The following KCNAB1 variants were observed in gnomAD, a reference collection of about 807,000 sequenced individuals.
KCNAB1 encodes potassium voltage-gated channel subfamily A regulatory beta subunit 1.
KCNAB1 carries 35 observed loss-of-function variants against 64.6 expected under a neutral mutation model. The ratio of observed to expected loss-of-function variants is 0.54; its 90% CI spans 0.41 to 0.72. The LOEUF (loss-of-function observed/expected upper bound fraction) is 0.72. Ranked by LOEUF, KCNAB1 falls within the 30% of genes least tolerant of loss-of-function variation. The pLI, the probability that KCNAB1 is intolerant of heterozygous loss-of-function variation, is 0.00. For missense variants in KCNAB1, 401 were observed against 512.9 expected, an observed-to-expected ratio of 0.78 and a Z score of 2.11; for synonymous variants, 177 against 183.8, an observed-to-expected ratio of 0.96 and a Z score of 0.30.
At chr3:156,155,399 A>T (rs1210323301) in intron 1 of KCNAB1, among the ~76,000 whole-genome samples, 1 of 152,258 alleles carries the variant, frequency 6.6e-6, no homozygotes, top group African/African-American at 2.4e-5. Flanking sequence ...AATAAAATTT[A>T]TAATACTTTA....
At chr3:156,472,484 T>A (rs1004848941) in intron 7 of KCNAB1, among the ~76,000 whole-genome samples, 2 of 152,194 alleles carry the variant, frequency 1.3e-5, no homozygotes, top group African/African-American at 2.4e-5. Context: ...ATACCATGGA[T>A]TACAAGACTT....
At chr3:156,185,021 CAGAG>C (rs1261959870) in intron 1 of KCNAB1, among the ~76,000 whole-genome samples, 1 of 152,218 alleles carries the variant, frequency 6.6e-6, no homozygotes, top group Non-Finnish European at 1.5e-5. Context: ...AACAAAAACT[CAGAG>C]AGGGTAGGTG....
chr3:156,394,247 C>T (rs1189973211), intron 1 of KCNAB1, among the ~76,000 whole-genome samples: 3 of 152,176 alleles, frequency 2.0e-5, no homozygotes, highest in African/African-American at 7.2e-5. Flanking sequence ...TTAGCTTCAC[C>T]ATCTCCCCTA....
At chr3:156,323,088 C>A (rs577343458) in intron 1 of KCNAB1, among the ~76,000 whole-genome samples, 1 of 152,280 alleles carries the variant, frequency 6.6e-6, no homozygotes, top group South Asian at 2.1e-4. Flanking sequence ...GATCAGCAGG[C>A]CCTTTGCCTT....
chr3:156,145,328 C>G (rs918036517), intron 1 of KCNAB1, among the ~76,000 whole-genome samples: 1 of 152,192 alleles, frequency 6.6e-6, no homozygotes, highest in Non-Finnish European at 1.5e-5. Context: ...ACACATTTCT[C>G]CATTACCCAC....
chr3:156,246,416 A>C (rs990517756), intron 1 of KCNAB1, among the ~76,000 whole-genome samples: 1 of 152,098 alleles, frequency 6.6e-6, no homozygotes, highest in African/African-American at 2.4e-5. Context: ...CCAGCCTGCC[A>C]ACATGGTGAA....
intron 1 of KCNAB1, among the ~76,000 whole-genome samples, chr3:156,214,085 C>T (rs1715170649): frequency 6.6e-6 from 1 of 152,216 alleles, no homozygotes. Flanking sequence ...TCCACGGGGA[C>T]AGATACCCCT....
chr3:156,203,393 C>T lies in KCNAB1; in HGVS notation c.275+82507C>T, dbSNP rs1714466610. On this transcript the variant is annotated intron_variant, in intron 1 of 13. Transcript: ENST00000490337. ...CTCACTCCTGAAACAAAAGCATGGG[C>T]TCTAGAGTAAGATAGCATTGGGTTT... 1.3e-5 allele frequency among the ~76,000 whole-genome samples: 2 copies of T among 152,200 alleles called. 1 individual carries two copies. Among genetic ancestry groups the T allele is most frequent in the Admixed American group, 1.3e-4 (2 of 15,288 alleles).
chr3:156,319,894 A>C (rs1376453131), intron 1 of KCNAB1, among the ~76,000 whole-genome samples: 1 of 152,174 alleles, frequency 6.6e-6, no homozygotes, highest in African/African-American at 2.4e-5. Context: ...GTACCATGTT[A>C]CTATTCTGGG....
intron 1 of KCNAB1, among the ~76,000 whole-genome samples, chr3:156,330,457 A>G (rs973563755): frequency 6.6e-6 from 1 of 152,116 alleles, no homozygotes; most frequent in African/African-American, 2.4e-5. Flanking sequence ...AAGGCTTCCA[A>G]AAAAAATTCT....
intron 1 of KCNAB1, among the ~76,000 whole-genome samples, chr3:156,301,350 G>T (rs1179146719): frequency 6.6e-6 from 1 of 152,238 alleles, no homozygotes; most frequent in South Asian, 2.1e-4. Context: ...TGAGGCATTT[G>T]AGGAAAATAA....
intron 1 of KCNAB1, among the ~76,000 whole-genome samples, chr3:156,283,311 TG>T (rs1305317918): frequency 6.6e-6 from 1 of 151,244 alleles, no homozygotes; most frequent in African/African-American, 2.5e-5. Flanking sequence ...TCTTCTGGCT[TG>T]TAGGGTTTCT....
At chr3:156,493,818 C>A (rs1392598859) in intron 8 of KCNAB1, among the ~76,000 whole-genome samples, 1 of 152,078 alleles carries the variant, frequency 6.6e-6, no homozygotes, top group Non-Finnish European at 1.5e-5. Context: ...TGATTAAATT[C>A]AGATTAAGCA....
chr3:156,398,496 G>A (rs893091974), intron 1 of KCNAB1, among the ~76,000 whole-genome samples: 5 of 151,320 alleles, frequency 3.3e-5, no homozygotes, highest in Admixed American at 2.0e-4. Flanking sequence ...GGAGGCTGAG[G>A]CAGGAGAATG....
At chr3:156,272,337 C>G (rs1327690752) in intron 1 of KCNAB1, among the ~76,000 whole-genome samples, 1 of 152,196 alleles carries the variant, frequency 6.6e-6, no homozygotes. Flanking sequence ...GAGATACTGT[C>G]TAGGAGTCAG....
In KCNAB1 at chr3:156,244,934, C is replaced by T. The variant is rs576555764; in HGVS notation, c.275+124048C>T. Among the ~76,000 whole-genome samples, 3 of 152,338 alleles carry T rather than the reference C, an allele frequency of 2.0e-5. No homozygotes were observed. In the South Asian group the frequency reaches 6.2e-4, roughly 32 times the overall value. ...ACAGATATCCTTTGCATTATCGCCT[C>T]TAGAGAGCATCGCTCCAACCTCTGG... On this transcript the variant is annotated intron_variant, in intron 1 of 13. Coordinates refer to ENST00000490337, the MANE Select transcript of KCNAB1 (RefSeq NM_172160.3).
intron 1 of KCNAB1, among the ~76,000 whole-genome samples, chr3:156,394,341 C>T (rs1196119342): frequency 6.6e-6 from 1 of 152,128 alleles, no homozygotes; most frequent in Non-Finnish European, 1.5e-5. Context: ...AAAATGGGCC[C>T]ACAAGAGTGA....
chr3:156,192,011 C>G (rs1283738803), intron 1 of KCNAB1, among the ~76,000 whole-genome samples: 9 of 152,158 alleles, frequency 5.9e-5, no homozygotes, highest in Admixed American at 4.6e-4. Flanking sequence ...TTCTCTATTT[C>G]CAGGCACCAC....
intron 1 of KCNAB1, among the ~76,000 whole-genome samples, chr3:156,371,903 C>T (rs184503738): frequency 5.9e-5 from 9 of 152,230 alleles, no homozygotes; most frequent in Admixed American, 1.3e-4. Context: ...TAAATCTTTG[C>T]TCGTTACAGA....
Sources: gnomAD v4.1 joint callset for allele counts (sites outside exome capture counted in the v4.1 genomes callset) on GRCh38, gnomAD v4.1.1 for gene constraint, MANE v1.5 for transcripts, NCBI Gene and HGNC (gene_info 2026-07-23, HGNC 2026-07-21) for gene names.